EYA4: variants seen among roughly 807,000 people sequenced by gnomAD.
EYA4 encodes protein phosphatase EYA4.
A neutral mutation model predicts 87.9 loss-of-function variants in EYA4; 31 were observed. That is an observed-to-expected ratio of 0.35 (90% CI 0.27 to 0.48). EYA4 has a LOEUF of 0.48. Among genes scored for constraint, EYA4 ranks in the 20% least tolerant of loss-of-function variants. The probability of loss-of-function intolerance (pLI) is 0.99; values close to 1 mark genes in which losing one functional copy is unlikely to be tolerated. For missense variants in EYA4, 678 were observed against 761.4 expected (o/e 0.89, Z 1.29); for synonymous variants, 263 against 270.6 (o/e 0.97, Z 0.28).
In EYA4 at chr6:133,529,581, C is replaced by T. The variant is rs1356853056; in HGVS notation, c.*776C>T. ...TCTTAACATGACCAAATTTAAAAGT[C>T]AAGCTCTCAGAGCTTAATTACCGCA... On this transcript the variant is annotated 3_prime_UTR_variant, in exon 20 of 20. Coordinates refer to ENST00000355286, the MANE Select transcript of EYA4 (RefSeq NM_004100.5). 1.0e-6 allele frequency: 1 copy of T among 981,994 alleles called. No homozygotes were observed. The highest frequency in any genetic ancestry group is 1.8e-5 in the African/African-American group (1 of 56,236). The allele number at this position is 981,994 out of a possible 1,614,324, so 60.8% of individuals were successfully genotyped here. A position where few individuals can be genotyped will look rare whatever the true frequency, so the allele number is the denominator to read the frequency against.
At chr6:133,315,782 T>A (rs1489183823) in intron 2 of EYA4, among the ~76,000 whole-genome samples, 1 of 152,204 alleles carries the variant, frequency 6.6e-6, no homozygotes, top group African/African-American at 2.4e-5. Flanking sequence ...TTATTTTACA[T>A]TCATTTTAAA....
In EYA4 at chr6:133,506,348, A is replaced by G. The variant is rs1432170577; in HGVS notation, c.1281+153A>G. Reference sequence around the variant, plus strand: ...GTCAAGAGGAAAAATTGTATATACAAATATAAGCAGAAAGTTAATTTGTGT... The same window carrying G: ...GTCAAGAGGAAAAATTGTATATACAGATATAAGCAGAAAGTTAATTTGTGT... On this transcript the variant is annotated intron_variant, in intron 14 of 19. Coordinates refer to ENST00000355286, the MANE Select transcript of EYA4 (RefSeq NM_004100.5). The G allele has an allele frequency of 7.0e-6, 4 of 574,924 alleles. No individual in the cohort carries two copies. In the African/African-American group the frequency reaches 7.5e-5, roughly 11 times the overall value. The allele number at this position is 574,924 out of a possible 1,614,324, so 35.6% of individuals were successfully genotyped here. A position where few individuals can be genotyped will look rare whatever the true frequency, so the allele number is the denominator to read the frequency against.
chr6:133,325,792 A>G (rs577525087), intron 2 of EYA4, among the ~76,000 whole-genome samples: 1 of 152,178 alleles, frequency 6.6e-6, no homozygotes, highest in East Asian at 1.9e-4. Context: ...TACTGTTGCA[A>G]TGAAAAAGCA....
intron 2 of EYA4, among the ~76,000 whole-genome samples, chr6:133,304,634 G>A (rs1375196609): frequency 6.6e-6 from 1 of 152,156 alleles, no homozygotes; most frequent in Non-Finnish European, 1.5e-5. Context: ...ATCTTGAGAG[G>A]AAGTAGAGCA....
intron 3 of EYA4, among the ~76,000 whole-genome samples, chr6:133,437,386 C>T (rs988865590): frequency 1.3e-5 from 2 of 152,192 alleles, no homozygotes; most frequent in Non-Finnish European, 2.9e-5. Context: ...ATCAGATAAA[C>T]ATGAGTTCAA....
At chr6:133,317,804 C>T (rs542520332) in intron 2 of EYA4, among the ~76,000 whole-genome samples, 79 of 151,792 alleles carry the variant, frequency 5.2e-4, no homozygotes, top group Middle Eastern at 3.5e-3. Flanking sequence ...CATCCAGCCC[C>T]CCGTTCATCT....
chr6:133,396,592 G>T (rs1234930554), intron 3 of EYA4, among the ~76,000 whole-genome samples: 1 of 152,182 alleles, frequency 6.6e-6, no homozygotes, highest in East Asian at 1.9e-4. Context: ...ATTATGTTAT[G>T]TGTGTGCTGT....
Position 133,530,252 on chromosome 6 carries a change from A to ATGTT in EYA4, c.*1452_*1455dup, listed in dbSNP as rs1383909124. On this transcript the variant is annotated 3_prime_UTR_variant, in exon 20 of 20. Transcript: ENST00000355286. ...GGTTCTCCTCGTAACAGACTTGCAT[A>ATGTT]TGTTTGTTAGTTTCTGCCTGTATTG... The ATGTT allele has an allele frequency of 1.0e-6, 1 of 985,104 alleles. No homozygotes were observed. The allele number at this position is 985,104 out of a possible 1,614,324, so 61.0% of individuals were successfully genotyped here.
intron 6 of EYA4, among the ~76,000 whole-genome samples, chr6:133,460,568 G>T (rs1345880752): frequency 2.0e-5 from 3 of 151,982 alleles, no homozygotes; most frequent in African/African-American, 7.2e-5. Flanking sequence ...ATTATTACTG[G>T]AATATTTTAG....
intron 6 of EYA4, among the ~76,000 whole-genome samples, chr6:133,460,035 A>AT (rs1794242663): frequency 6.6e-6 from 1 of 152,138 alleles, no homozygotes; most frequent in South Asian, 2.1e-4. Flanking sequence ...TATATATAGA[A>AT]ATATATCATG....
chr6:133,526,595 A>G (rs1328113189), intron 19 of EYA4, among the ~76,000 whole-genome samples: 1 of 152,186 alleles, frequency 6.6e-6, no homozygotes, highest in Non-Finnish European at 1.5e-5. Context: ...TCTGCCTGCC[A>G]CAGAACACCT....
At chr6:133,527,420 A>G (rs2128823263) in intron 19 of EYA4, among the ~76,000 whole-genome samples, 1 of 152,380 alleles carries the variant, frequency 6.6e-6, no homozygotes, top group South Asian at 2.1e-4. Context: ...AACATGTAAT[A>G]TTAATACAAG....
At chr6:133,482,794 G>A (rs1053109005) in intron 12 of EYA4, among the ~76,000 whole-genome samples, 1 of 151,998 alleles carries the variant, frequency 6.6e-6, no homozygotes, top group Non-Finnish European at 1.5e-5. Context: ...GTAAATGTAT[G>A]GATTAATTTA....
chr6:133,365,488 C>A (rs960636589), intron 2 of EYA4, among the ~76,000 whole-genome samples: 5 of 152,060 alleles, frequency 3.3e-5, no homozygotes, highest in African/African-American at 1.2e-4. Flanking sequence ...TTATTACTTA[C>A]ATTTCCCAAG....
At chr6:133,478,903 A>G (rs967933745) in intron 11 of EYA4, among the ~76,000 whole-genome samples, 2 of 152,162 alleles carry the variant, frequency 1.3e-5, no homozygotes, top group African/African-American at 4.8e-5. Flanking sequence ...TTATGGACTC[A>G]GCCTACAACC....
chr6:133,382,386 T>G lies in EYA4; in HGVS notation c.34-6T>G. The G allele has an allele frequency of 6.2e-7, 1 of 1,600,628 alleles. No individual in the cohort carries two copies. The stretch of plus-strand genomic sequence containing the variant: ...TATGAGAATAACTAGTACTCTTTTC[T>G]TACAGGTAAAGAAAACGTGCACAGA... On this transcript the variant is annotated splice_region_variant and splice_polypyrimidine_tract_variant and intron_variant, in intron 2 of 19. Coordinates refer to ENST00000355286, the MANE Select transcript of EYA4 (RefSeq NM_004100.5).
chr6:133,517,891 A>G (rs1425432548), intron 17 of EYA4, among the ~76,000 whole-genome samples: 1 of 152,234 alleles, frequency 6.6e-6, no homozygotes, highest in African/African-American at 2.4e-5. Flanking sequence ...CACCTGTTTC[A>G]GACGTTAGGC....
intron 6 of EYA4, among the ~76,000 whole-genome samples, chr6:133,460,685 T>C (rs1794303505): frequency 6.6e-6 from 1 of 152,118 alleles, no homozygotes; most frequent in South Asian, 2.1e-4. Context: ...TCTTATTTTG[T>C]ATTGTATTTG....
Position 133,312,703 on chromosome 6 carries a change from A to G in EYA4, c.33+37890A>G, listed in dbSNP as rs1467733083. Among the ~76,000 whole-genome samples, 3 of 151,958 alleles carry G rather than the reference A, an allele frequency of 2.0e-5. No individual in the cohort carries two copies. The East Asian group carries it at 5.8e-4, about 29-fold the overall frequency. On this transcript the variant is annotated intron_variant, in intron 2 of 19. Transcript: ENST00000355286. Reference sequence around the variant, plus strand: ...TCCTCACCATATAGCTTTGCTCAAGACTCCACCCTCAACAACAAAGTAAAT... The same window carrying G: ...TCCTCACCATATAGCTTTGCTCAAGGCTCCACCCTCAACAACAAAGTAAAT...
Sources: gnomAD v4.1 joint callset for allele counts (sites outside exome capture counted in the v4.1 genomes callset) on GRCh38, gnomAD v4.1.1 for gene constraint, MANE v1.5 for transcripts, NCBI Gene and HGNC (gene_info 2026-07-23, HGNC 2026-07-21) for gene names.